Variants in CD96 observed in about 807,000 individuals in gnomAD.
The protein encoded by CD96 is T-cell surface protein tactile.
Under a neutral mutation model 71.3 loss-of-function variants are expected in CD96, and 70 were observed. The observed-to-expected ratio is 0.98, with a 90% CI of 0.81 to 1.20. CD96 has a LOEUF of 1.20. CD96 is among the 50% of genes most tolerant of loss of function. The pLI is 0.00. For missense variants in CD96, 742 were observed against 677.5 expected (o/e 1.10, Z -1.06); for synonymous variants, 248 against 233.0 (o/e 1.06, Z -0.59).
intron 10 of CD96, among the ~76,000 whole-genome samples, chr3:111,626,624 C>T (rs1046129152): frequency 2.6e-5 from 4 of 152,112 alleles, no homozygotes; most frequent in African/African-American, 9.7e-5. Flanking sequence ...ATGAGATATG[C>T]ACACAAATGT....
chr3:111,602,654 A>G (rs1333200602), intron 7 of CD96, among the ~76,000 whole-genome samples: 1 of 152,128 alleles, frequency 6.6e-6, no homozygotes, highest in Admixed American at 6.5e-5. Context: ...GCTCTTAAAC[A>G]CTTACTTCCA....
chr3:111,641,929 T>G (rs1939611375), intron 12 of CD96, among the ~76,000 whole-genome samples: 1 of 152,168 alleles, frequency 6.6e-6, no homozygotes, highest in African/African-American at 2.4e-5. Flanking sequence ...AAGATGGAAA[T>G]TTAAAAATTC....
chr3:111,614,030 T>TG (rs2107684307), intron 8 of CD96, among the ~76,000 whole-genome samples: 1 of 152,356 alleles, frequency 6.6e-6, no homozygotes, highest in East Asian at 1.9e-4. Context: ...ACAGATTATT[T>TG]GGCTTTTTTG....
chr3:111,545,313 G>A lies in CD96; in HGVS notation c.329G>A (p.Cys110Tyr), dbSNP rs372870533. 202 of 1,613,978 alleles carry A rather than the reference G, an allele frequency of 1.3e-4. No individual in the cohort carries two copies. Among genetic ancestry groups the A allele is most frequent in the Admixed American group, 4.0e-4 (24 of 60,000 alleles). Residue 110 changes from cysteine to tyrosine, a missense_variant, in exon 2 of 14, where the codon TGT becomes TAT. By Grantham distance (194) the Cys-to-Tyr change is radical. Coordinates refer to ENST00000352690, the MANE Select transcript of CD96 (RefSeq NM_005816.5). ...ACTCTGCACTTAAGGAATATGTCTTGTTCAGTCAGTGGAAGGTACGAGTGT... is the reference window on the plus strand; with the variant it reads ...ACTCTGCACTTAAGGAATATGTCTTATTCAGTCAGTGGAAGGTACGAGTGT... The part of the protein sequence containing the change: ...KWTLHLRNMS[C>Y]SVSGRYECML...
intron 12 of CD96, among the ~76,000 whole-genome samples, chr3:111,647,263 A>C (rs993171934): frequency 2.0e-5 from 3 of 152,096 alleles, no homozygotes; most frequent in African/African-American, 7.2e-5. Context: ...TGGACAGAAT[A>C]GTGTGTATAA....
intron 10 of CD96, among the ~76,000 whole-genome samples, chr3:111,630,320 A>G (rs1309068348): frequency 2.6e-5 from 4 of 152,024 alleles, no homozygotes; most frequent in African/African-American, 9.7e-5. Flanking sequence ...AAATTATAAG[A>G]GGGATATTAC....
chr3:111,608,560 CTG>C (rs1426344331), intron 8 of CD96, among the ~76,000 whole-genome samples: 5 of 152,176 alleles, frequency 3.3e-5, no homozygotes, highest in African/African-American at 1.2e-4. Context: ...CTTTAAGACA[CTG>C]AGAGCTTAAG....
At chr3:111,580,503 C>T (rs1466904504) in intron 4 of CD96, among the ~76,000 whole-genome samples, 5 of 152,060 alleles carry the variant, frequency 3.3e-5, no homozygotes, top group African/African-American at 1.2e-4. Context: ...GAGAAAATAA[C>T]TTCACAAACC....
chr3:111,586,210 T>C (rs1209611435), intron 5 of CD96, among the ~76,000 whole-genome samples: 1 of 152,220 alleles, frequency 6.6e-6, no homozygotes. Flanking sequence ...GCCTTATGAC[T>C]TTAGCCAAGC....
At chr3:111,617,126 C>A (rs1242712197) in intron 8 of CD96, among the ~76,000 whole-genome samples, 2 of 152,210 alleles carry the variant, frequency 1.3e-5, no homozygotes, top group South Asian at 4.1e-4. Flanking sequence ...AGGAAGGAGG[C>A]AGCAGGTGGA....
chr3:111,640,642 T>G (rs1315607749), intron 12 of CD96, among the ~76,000 whole-genome samples: 1 of 152,182 alleles, frequency 6.6e-6, no homozygotes, highest in Non-Finnish European at 1.5e-5. Flanking sequence ...AAAGAACACC[T>G]GGGAAATTCA....
chr3:111,663,648 C>T (rs747724945), intron 14 of CD96, among the ~76,000 whole-genome samples: 5 of 151,972 alleles, frequency 3.3e-5, no homozygotes, highest in Non-Finnish European at 5.9e-5. Context: ...AAACACAAAC[C>T]AAAATCACAA....
chr3:111,606,894 CTT>C lies in CD96; in HGVS notation c.1180+107_1180+108del. 5.1e-6 allele frequency: 4 copies of C among 779,082 alleles called. 1 individual carries two copies. The South Asian group carries it at 5.5e-5, about 11-fold the overall frequency. The allele number at this position is 779,082 out of a possible 1,614,324, so 48.3% of individuals were successfully genotyped here. On this transcript the variant is annotated intron_variant, in intron 8 of 13. Transcript: ENST00000352690. ...ATTCATGCCTGTTTCTTAGCTATGA[CTT>C]TTTTGGGGCTGAAATTGGGTTTTAT...
At chr3:111,622,759 C>A (rs1273858648) in intron 8 of CD96, among the ~76,000 whole-genome samples, 36 of 152,292 alleles carry the variant, frequency 2.4e-4, no homozygotes, top group Non-Finnish European at 1.3e-4. Context: ...GGAAAAGTTT[C>A]TTTTTAATCA....
At chr3:111,567,058 G>A (rs1935748527) in intron 2 of CD96, among the ~76,000 whole-genome samples, 2 of 152,172 alleles carry the variant, frequency 1.3e-5, no homozygotes, top group Admixed American at 6.5e-5. Context: ...CACAGTGGGG[G>A]AGGCTGTGGG....
chr3:111,655,106 C>G (rs1940197915), downstream of CD96, among the ~76,000 whole-genome samples: 1 of 152,206 alleles, frequency 6.6e-6, no homozygotes. Flanking sequence ...TAATTCCACT[C>G]TTACAGATAA....
At chr3:111,568,718 C>T (rs1935837494) in intron 3 of CD96, among the ~76,000 whole-genome samples, 2 of 152,046 alleles carry the variant, frequency 1.3e-5, no homozygotes, top group African/African-American at 4.8e-5. Context: ...TAAAATTGAG[C>T]TTTTTCTCAT....
chr3:111,566,177 CAT>C (rs150813999), intron 2 of CD96, among the ~76,000 whole-genome samples: 23 of 149,698 alleles, frequency 1.5e-4, no homozygotes, highest in East Asian at 2.0e-4. Flanking sequence ...CGTTTTATAA[CAT>C]ATATATATAT....
At chr3:111,568,937 C>T (rs1935847765) in intron 3 of CD96, among the ~76,000 whole-genome samples, 1 of 152,044 alleles carries the variant, frequency 6.6e-6, no homozygotes, top group African/African-American at 2.4e-5. Context: ...CATAATAGGG[C>T]ATTCATTTAG....
Sources: gnomAD v4.1 joint callset for allele counts (sites outside exome capture counted in the v4.1 genomes callset) on GRCh38, gnomAD v4.1.1 for gene constraint, MANE v1.5 for transcripts, NCBI Gene and HGNC (gene_info 2026-07-23, HGNC 2026-07-21) for gene names.